RUVBL1: variants seen among roughly 807,000 people sequenced by gnomAD.
The protein encoded by RUVBL1 is ruvB-like 1.
RUVBL1 carries 4 observed loss-of-function variants against 52.4 expected under a neutral mutation model. The observed-to-expected ratio is 0.08, with a 90% CI of 0.04 to 0.17. RUVBL1 has a LOEUF of 0.17. Ranked by LOEUF, RUVBL1 falls within the 10% of genes least tolerant of loss-of-function variation. The pLI, the probability that RUVBL1 is intolerant of heterozygous loss-of-function variation, is 1.00. For missense variants in RUVBL1, 298 were observed against 572.8 expected (o/e 0.52, Z 4.90); for synonymous variants, 217 against 214.4 (o/e 1.01, Z -0.10).
chr3:128,091,360 T>C (rs1942833975), intron 8 of RUVBL1, among the ~76,000 whole-genome samples: 2 of 152,250 alleles, frequency 1.3e-5, no homozygotes, highest in Admixed American at 6.5e-5. Flanking sequence ...GTTATAAAAC[T>C]GCTAATAAGA....
intron 2 of RUVBL1, among the ~76,000 whole-genome samples, chr3:128,117,601 G>A (rs185199027): frequency 4.0e-5 from 6 of 151,802 alleles, no homozygotes; most frequent in Admixed American, 2.6e-4. Context: ...AGAGATTAAC[G>A]CTGACAGTTT....
At chr3:128,070,238 TC>T (rs1559800611) in intron 9 of RUVBL1, 1 of 152,340 alleles carries the variant, frequency 6.6e-6, no homozygotes, top group Non-Finnish European at 1.5e-5. Context: ...CAGAACTTCT[TC>T]CAAAAGAGAG....
At chr3:128,113,333 CAT>C (rs1462625416) in intron 2 of RUVBL1, among the ~76,000 whole-genome samples, 1 of 152,192 alleles carries the variant, frequency 6.6e-6, no homozygotes, top group Admixed American at 6.5e-5. Context: ...CCATTTTACA[CAT>C]GAGAAACTGA....
chr3:128,064,896 T>C, exon 10 of RUVBL1: 1 of 1,609,180 alleles, frequency 6.2e-7, no homozygotes, highest in Non-Finnish European at 8.5e-7. Context: ...TTGAAGGTGC[T>C]ATCATCGCAC....
intron 3 of RUVBL1, among the ~76,000 whole-genome samples, chr3:128,109,933 A>G (rs1454709816): frequency 7.0e-6 from 1 of 143,280 alleles, no homozygotes; most frequent in East Asian, 2.2e-4. Flanking sequence ...CTCCTGCCTC[A>G]GCCTCCCAAG....
exon 1 of RUVBL1, chr3:128,153,479 G>C (rs1394243727): frequency 6.8e-7 from 1 of 1,469,594 alleles, no homozygotes; most frequent in South Asian, 1.4e-5. Flanking sequence ...GGGGCGGGCC[G>C]GGCGGGTGTC....
At chr3:128,119,464 C>A in intron 1 of RUVBL1, 50 bp from the exon 2 acceptor site, 2 of 1,498,082 alleles carry the variant, frequency 1.3e-6, no homozygotes, top group Non-Finnish European at 1.8e-6. Context: ...AAATGTTTCA[C>A]AAGGGGAAAA....
intron 1 of RUVBL1, among the ~76,000 whole-genome samples, chr3:128,150,546 T>G (rs1357206328): frequency 1.4e-5 from 2 of 145,600 alleles, no homozygotes; most frequent in East Asian, 2.0e-4. Flanking sequence ...ATATGTATGT[T>G]CCATATGTAT....
In RUVBL1 at chr3:128,119,418, C is replaced by G; in HGVS notation, c.142-4G>C. 1 of 1,607,862 alleles carries G rather than the reference C, an allele frequency of 6.2e-7. No homozygotes were observed. Among genetic ancestry groups the G allele is most frequent in the South Asian group, 1.1e-5 (1 of 90,366 alleles). On this transcript the variant is annotated splice_polypyrimidine_tract_variant and splice_region_variant and intron_variant, in intron 1 of 10. Coordinates refer to ENST00000322623, the MANE Select transcript of RUVBL1 (RefSeq NM_003707.3). ...ATTCTACTATGACGCCACATGCCTA[C>G]ACACCACAATGGAAAGAAATAATAA...
rs1942009531 is a variant in RUVBL1, at chr3:128,067,278, CATTAA to C, written c.940-2063_940-2059del. Reference sequence around the variant, plus strand: ...CATTGTGCCTTTTACAAATTCAGCACATTAAATTATCTTTTCAGTAAAAAAATTGT... The same window carrying C: ...CATTGTGCCTTTTACAAATTCAGCACATTATCTTTTCAGTAAAAAAATTGT... On this transcript the variant is annotated intron_variant, in intron 9 of 9. Coordinates refer to the RUVBL1 transcript ENST00000464873. This position sits in a 1 kb window ranked among gnomAD's most constrained non-coding sequence, Gnocchi z 4.1. 1.6e-6 allele frequency: 2 copies of C among 1,289,874 alleles called. No homozygotes were observed. Among genetic ancestry groups the C allele is most frequent in the Non-Finnish European group, 2.2e-6 (2 of 918,876 alleles). The allele number at this position is 1,289,874 out of a possible 1,614,324, so 79.9% of individuals were successfully genotyped here.
At chr3:128,124,436 C>A (rs541049847), upstream of RUVBL1, among the ~76,000 whole-genome samples, 66 of 152,190 alleles carry the variant, frequency 4.3e-4, no homozygotes, top group African/African-American at 1.3e-3. Context: ...GAGGCCCATC[C>A]GCCCAAGAAA....
chr3:128,066,965 G>A, intron 9 of RUVBL1: 1 of 1,614,192 alleles, frequency 6.2e-7, no homozygotes, highest in Non-Finnish European at 8.5e-7. Flanking sequence ...GCTTCCGAGT[G>A]GACCTGCCAA....
intron 1 of RUVBL1, among the ~76,000 whole-genome samples, chr3:128,148,607 C>T (rs1295303342): frequency 6.6e-6 from 1 of 152,148 alleles, no homozygotes; most frequent in African/African-American, 2.4e-5. Context: ...CTTGTAACGC[C>T]AAGAGACATA....
chr3:128,127,259 A>C (rs932963805), upstream of RUVBL1, among the ~76,000 whole-genome samples: 7 of 152,188 alleles, frequency 4.6e-5, no homozygotes, highest in African/African-American at 1.7e-4. Flanking sequence ...AAGATGTTTG[A>C]GTTAGATTTC....
chr3:128,071,861 T>C (rs1338981026), intron 9 of RUVBL1, among the ~76,000 whole-genome samples: 1 of 152,162 alleles, frequency 6.6e-6, no homozygotes, highest in African/African-American at 2.4e-5. Context: ...TGTGATAAAG[T>C]GATATGGGTG....
chr3:128,097,961 A>T lies in RUVBL1; in HGVS notation c.818-463T>A, dbSNP rs533253231. On this transcript the variant is annotated intron_variant, in intron 7 of 10. Transcript: ENST00000322623. ...ATGACCCTTTCTTTTGGTCCCATACAACAATGCTTAGGTTAATTAACTTTC... is the reference window on the plus strand; with the variant it reads ...ATGACCCTTTCTTTTGGTCCCATACTACAATGCTTAGGTTAATTAACTTTC... 2.0e-5 allele frequency among the ~76,000 whole-genome samples: 3 copies of T among 152,300 alleles called. No individual in the cohort carries two copies. The East Asian group carries it at 5.8e-4, about 29-fold the overall frequency.
chr3:128,147,921 C>T (rs540777401), intron 1 of RUVBL1, among the ~76,000 whole-genome samples: 54 of 152,286 alleles, frequency 3.5e-4, no homozygotes, highest in South Asian at 2.1e-3. Context: ...ATAAAAAGGA[C>T]CACACACTGC....
chr3:128,093,549 T>C (rs1473597063), intron 8 of RUVBL1, among the ~76,000 whole-genome samples: 3 of 152,068 alleles, frequency 2.0e-5, no homozygotes. Context: ...GCAGAGTCCA[T>C]ACTGTTTCTT....
intron 8 of RUVBL1, among the ~76,000 whole-genome samples, chr3:128,092,853 G>A (rs1211029606): frequency 1.3e-5 from 2 of 152,050 alleles, no homozygotes; most frequent in Non-Finnish European, 2.9e-5. Flanking sequence ...GTACATAACC[G>A]AAAGAAATAA....
Sources: allele counts gnomAD v4.1 joint callset (sites outside exome capture counted in the v4.1 genomes callset), GRCh38; gene constraint gnomAD v4.1.1; non-coding constraint Gnocchi (gnomAD v3.1); transcripts MANE v1.5; gene names NCBI Gene and HGNC (gene_info 2026-07-23, HGNC 2026-07-21).